GRM7: variants seen among roughly 807,000 people sequenced by gnomAD.
GRM7 encodes metabotropic glutamate receptor 7.
Under a neutral mutation model 84.5 loss-of-function variants are expected in GRM7, and 35 were observed. That is an observed-to-expected ratio of 0.41 (90% CI 0.32 to 0.55). The LOEUF (loss-of-function observed/expected upper bound fraction) is 0.55, where lower values mean the gene tolerates loss of function less well. GRM7 is among the 20% of genes least tolerant of loss of function. The probability of loss-of-function intolerance (pLI) is 0.19; values close to 1 mark genes in which losing one functional copy is unlikely to be tolerated. For missense variants in GRM7, 1,003 were observed against 1,194.6 expected (o/e 0.84, Z 2.36); for synonymous variants, 487 against 455.1 (o/e 1.07, Z -0.89).
chr3:7,692,413 T>A (rs162781), intron 9 of GRM7, among the ~76,000 whole-genome samples: 5 of 151,860 alleles, frequency 3.3e-5, no homozygotes, highest in Admixed American at 2.0e-4. Flanking sequence ...CTTCAGAAGC[T>A]GGGATCCTAC....
At chr3:7,399,097 C>G (rs1336322591) in intron 4 of GRM7, among the ~76,000 whole-genome samples, 1 of 151,878 alleles carries the variant, frequency 6.6e-6, no homozygotes, top group Non-Finnish European at 1.5e-5. Flanking sequence ...CCCTTCAGAG[C>G]ATTTTCCTTC....
At chr3:7,227,732 A>G (rs1697029101) in intron 2 of GRM7, among the ~76,000 whole-genome samples, 1 of 152,196 alleles carries the variant, frequency 6.6e-6, no homozygotes, top group South Asian at 2.1e-4. Flanking sequence ...CATTATCTCC[A>G]CATGTTGGTT....
chr3:7,006,669 A>G (rs1695191376), intron 1 of GRM7, among the ~76,000 whole-genome samples: 1 of 152,202 alleles, frequency 6.6e-6, no homozygotes, highest in Admixed American at 6.5e-5. Flanking sequence ...GGGAGGAGAA[A>G]TCAGAAAATT....
chr3:6,888,103 T>C (rs1695775730), intron 1 of GRM7, among the ~76,000 whole-genome samples: 1 of 152,176 alleles, frequency 6.6e-6, no homozygotes, highest in Non-Finnish European at 1.5e-5. Context: ...GTAAATTTGT[T>C]GGAGTTCATT....
At chr3:7,349,448 C>T (rs2125089239) in intron 4 of GRM7, among the ~76,000 whole-genome samples, 1 of 152,222 alleles carries the variant, frequency 6.6e-6, no homozygotes, top group South Asian at 2.1e-4. Flanking sequence ...AATTTGTCTT[C>T]TCCACATGTA....
At chr3:6,890,347 G>A (rs535638928) in intron 1 of GRM7, among the ~76,000 whole-genome samples, 22 of 151,988 alleles carry the variant, frequency 1.4e-4, no homozygotes, top group South Asian at 6.2e-4. Context: ...TGGATCTTTC[G>A]TGCTTTCTCT....
intron 1 of GRM7, among the ~76,000 whole-genome samples, chr3:7,013,636 A>G (rs892542370): frequency 1.3e-5 from 2 of 152,084 alleles, no homozygotes; most frequent in Non-Finnish European, 2.9e-5. Context: ...ATCCAAATAA[A>G]CTAGCGTGGT....
intron 2 of GRM7, among the ~76,000 whole-genome samples, chr3:7,199,191 G>A (rs994898217): frequency 3.9e-5 from 6 of 152,176 alleles, no homozygotes; most frequent in African/African-American, 1.2e-4. Context: ...CCATTAAGAG[G>A]CCTGGTAGCC....
chr3:7,719,898 C>A lies in GRM7; in HGVS notation c.2699-20459C>A, dbSNP rs118072050. Among the ~76,000 whole-genome samples, 166 of 152,026 alleles carry A rather than the reference C, an allele frequency of 1.1e-3. 3 individuals carry two copies. In the East Asian group the frequency reaches 0.029, roughly 26 times the overall value. ...CCAGTTGAGTTTTTATACGGTCACCCTTCTGAATTTCATTGTCTCATACAG... is the reference window on the plus strand; with the variant it reads ...CCAGTTGAGTTTTTATACGGTCACCATTCTGAATTTCATTGTCTCATACAG... On this transcript the variant is annotated intron_variant, in intron 9 of 9. Transcript: ENST00000357716.
At chr3:6,940,653 T>C (rs1350134027) in intron 1 of GRM7, among the ~76,000 whole-genome samples, 1 of 150,578 alleles carries the variant, frequency 6.6e-6, no homozygotes, top group African/African-American at 2.4e-5. Context: ...TGATAATGTG[T>C]ATCAAATTAA....
intron 4 of GRM7, among the ~76,000 whole-genome samples, chr3:7,314,036 G>A (rs966733895): frequency 2.0e-5 from 3 of 152,142 alleles, no homozygotes; most frequent in Non-Finnish European, 2.9e-5. Flanking sequence ...GAACGCCAGT[G>A]TCTTGATAAA....
chr3:7,129,950 T>C (rs1693535822), intron 1 of GRM7, among the ~76,000 whole-genome samples: 1 of 152,194 alleles, frequency 6.6e-6, no homozygotes, highest in Non-Finnish European at 1.5e-5. Flanking sequence ...CTAAACACTT[T>C]AGCAGAGCAG....
intron 1 of GRM7, among the ~76,000 whole-genome samples, chr3:6,911,498 T>C (rs1305962709): frequency 2.0e-5 from 3 of 152,134 alleles, no homozygotes; most frequent in Middle Eastern, 3.2e-3. Flanking sequence ...TGTGTATATA[T>C]GCAAATACAC....
intron 7 of GRM7, among the ~76,000 whole-genome samples, chr3:7,577,453 T>C (rs770976059): frequency 6.6e-6 from 1 of 152,116 alleles, no homozygotes; most frequent in Non-Finnish European, 1.5e-5. Context: ...ACAGAAAGCA[T>C]ATAGAAAAGA....
At chr3:7,679,549 G>A (rs554008747) in intron 8 of GRM7, among the ~76,000 whole-genome samples, 1 of 152,184 alleles carries the variant, frequency 6.6e-6, no homozygotes, top group Non-Finnish European at 1.5e-5. Flanking sequence ...CTATTCAGCA[G>A]ATAGGGAAAA....
chr3:7,256,664 A>G (rs1160623196), intron 2 of GRM7, among the ~76,000 whole-genome samples: 2 of 152,190 alleles, frequency 1.3e-5, no homozygotes, highest in Admixed American at 6.5e-5. Context: ...CACACAAAAA[A>G]TGAGACCAAG....
intron 1 of GRM7, among the ~76,000 whole-genome samples, chr3:6,893,676 C>A (rs1449691317): frequency 6.6e-6 from 1 of 152,122 alleles, no homozygotes; most frequent in Admixed American, 6.6e-5. Flanking sequence ...TTGTCAGTTC[C>A]TTTTAACATT....
chr3:7,192,244 C>A (rs758709738), intron 2 of GRM7, among the ~76,000 whole-genome samples: 1 of 151,944 alleles, frequency 6.6e-6, no homozygotes, highest in African/African-American at 2.4e-5. Context: ...ACCAAGGACC[C>A]GAAGAACATC....
chr3:6,897,541 G>T (rs949084382), intron 1 of GRM7, among the ~76,000 whole-genome samples: 1 of 152,132 alleles, frequency 6.6e-6, no homozygotes, highest in African/African-American at 2.4e-5. Context: ...TTTGTGTCTT[G>T]CTTAGCTTAT....
Sources: gnomAD v4.1 joint callset for allele counts (sites outside exome capture counted in the v4.1 genomes callset) on GRCh38, gnomAD v4.1.1 for gene constraint, MANE v1.5 for transcripts, NCBI Gene and HGNC (gene_info 2026-07-23, HGNC 2026-07-21) for gene names.